The following ARHGAP24 variants were observed in gnomAD, a reference collection of about 807,000 sequenced individuals.
The protein encoded by ARHGAP24 is Rho GTPase activating protein 24.
ARHGAP24 carries 50 observed loss-of-function variants against 76.4 expected under a neutral mutation model. That is an observed-to-expected ratio of 0.65 (90% CI 0.52 to 0.83). The LOEUF (loss-of-function observed/expected upper bound fraction) is 0.83. Ranked by LOEUF, ARHGAP24 falls within the 40% of genes least tolerant of loss-of-function variation. ARHGAP24 has a pLI of 0.00. For synonymous variants in ARHGAP24, 345 were observed against 323.3 expected (o/e 1.07, Z -0.72); for missense variants, 930 against 914.2 (o/e 1.02, Z -0.22).
chr4:85,779,997 A>G (rs975778024), intron 3 of ARHGAP24, among the ~76,000 whole-genome samples: 30 of 152,258 alleles, frequency 2.0e-4, no homozygotes, highest in African/African-American at 6.7e-4. Flanking sequence ...GATCCACTAT[A>G]TGTTTTGAGC....
intron 3 of ARHGAP24, among the ~76,000 whole-genome samples, chr4:85,751,230 A>G (rs57065351): frequency 6.6e-6 from 1 of 152,174 alleles, no homozygotes; most frequent in Admixed American, 6.5e-5. Flanking sequence ...ATATCAGCAA[A>G]TATAAATTTA....
At chr4:85,744,819 A>C (rs1282672261) in intron 3 of ARHGAP24, among the ~76,000 whole-genome samples, 1 of 152,218 alleles carries the variant, frequency 6.6e-6, no homozygotes, top group East Asian at 1.9e-4. Context: ...TTTTAAAAAT[A>C]TATCTTTCCC....
At chr4:85,754,909 G>A (rs1440890743) in intron 3 of ARHGAP24, among the ~76,000 whole-genome samples, 4 of 152,156 alleles carry the variant, frequency 2.6e-5, no homozygotes, top group African/African-American at 7.2e-5. Context: ...GATTATTTCT[G>A]TCCTGTCTAC....
intron 2 of ARHGAP24, among the ~76,000 whole-genome samples, chr4:85,660,810 A>AAG (rs1722354284): frequency 6.6e-6 from 1 of 150,674 alleles, no homozygotes; most frequent in Non-Finnish European, 1.5e-5. Context: ...AAAAAAAAAA[A>AAG]AAAAAAATCT....
At chr4:85,761,047 C>T (rs1288146242) in intron 3 of ARHGAP24, among the ~76,000 whole-genome samples, 1 of 151,992 alleles carries the variant, frequency 6.6e-6, no homozygotes, top group African/African-American at 2.4e-5. Context: ...ATTGTACTGT[C>T]GACAGGAAAA....
intron 3 of ARHGAP24, among the ~76,000 whole-genome samples, chr4:85,813,818 T>TTATATATATATATA (rs35261368): frequency 1.6e-4 from 22 of 137,140 alleles, no homozygotes; most frequent in African/African-American, 5.5e-4. Flanking sequence ...TATATTTATT[T>TTATATATATATATA]TATATATATA....
intron 2 of ARHGAP24, among the ~76,000 whole-genome samples, chr4:85,660,910 A>G (rs935854944): frequency 6.6e-6 from 1 of 151,452 alleles, no homozygotes; most frequent in African/African-American, 2.4e-5. Flanking sequence ...GTATTTTGAG[A>G]CTTTCAGTTC....
chr4:85,831,533 T>A (rs1024715488), intron 3 of ARHGAP24, among the ~76,000 whole-genome samples: 1 of 152,230 alleles, frequency 6.6e-6, no homozygotes, highest in South Asian at 2.1e-4. Flanking sequence ...CTTATTCTTA[T>A]ACAATGGGCT....
intron 2 of ARHGAP24, among the ~76,000 whole-genome samples, chr4:85,601,214 C>T (rs1275999002): frequency 6.6e-6 from 1 of 152,090 alleles, no homozygotes; most frequent in Non-Finnish European, 1.5e-5. Flanking sequence ...TATAACTGTT[C>T]TGTGCAAGGT....
chr4:85,627,659 C>G (rs944029885), intron 2 of ARHGAP24, among the ~76,000 whole-genome samples: 2 of 152,210 alleles, frequency 1.3e-5, no homozygotes, highest in African/African-American at 4.8e-5. Context: ...CTGTGCCCTG[C>G]CCCCAGAAGT....
rs191136265 is a variant in ARHGAP24, at chr4:85,705,144, C to A, written c.181-16741C>A. On this transcript the variant is annotated intron_variant, in intron 2 of 9. Transcript: ENST00000395184. Reference sequence around the variant, plus strand: ...CACTATAATTTGAATTATGATCTACCATTGTCTATAAGATGTATCCCAAAT... The same window carrying A: ...CACTATAATTTGAATTATGATCTACAATTGTCTATAAGATGTATCCCAAAT... Among the ~76,000 whole-genome samples the A allele has an allele frequency of 2.4e-3, 372 of 151,880 alleles. 3 individuals are homozygous for A. Among genetic ancestry groups the A allele is most frequent in the Non-Finnish European group, 4.0e-3 (270 of 67,916 alleles).
intron 3 of ARHGAP24, among the ~76,000 whole-genome samples, chr4:85,861,997 T>G (rs886448513): frequency 1.6e-4 from 25 of 152,076 alleles, no homozygotes; most frequent in Admixed American, 1.5e-3. Flanking sequence ...TTCTCTAATG[T>G]TTTTTCTTTA....
At chr4:85,496,537 A>G (rs1560508892) in intron 1 of ARHGAP24, among the ~76,000 whole-genome samples, 3 of 152,230 alleles carry the variant, frequency 2.0e-5, no homozygotes, top group Non-Finnish European at 4.4e-5. Context: ...CATGATGTGT[A>G]GATCACCTTT....
intron 3 of ARHGAP24, among the ~76,000 whole-genome samples, chr4:85,769,821 T>G (rs1206820020): frequency 6.6e-6 from 1 of 152,104 alleles, no homozygotes; most frequent in East Asian, 1.9e-4. Context: ...ACTCTTGACC[T>G]CGTGATTTGC....
chr4:85,962,811 C>G (rs1199709926), intron 5 of ARHGAP24, among the ~76,000 whole-genome samples: 1 of 151,522 alleles, frequency 6.6e-6, no homozygotes, highest in East Asian at 1.9e-4. Flanking sequence ...ACTTTGTCCA[C>G]TGGTAACTAC....
chr4:85,691,446 G>T (rs551948912), intron 2 of ARHGAP24, among the ~76,000 whole-genome samples: 11 of 152,272 alleles, frequency 7.2e-5, no homozygotes, highest in African/African-American at 2.6e-4. Context: ...TATCAGTGTG[G>T]TGTTGAAGTC....
At chr4:85,554,999 T>C (rs4467559) in intron 1 of ARHGAP24, among the ~76,000 whole-genome samples, 125,376 of 152,116 alleles carry the variant, frequency 0.82, 54,084 homozygotes, top group East Asian at 0.98. Context: ...TTATAGTGGC[T>C]ATTTCATCTA....
chr4:85,629,620 C>G (rs1721095330), intron 2 of ARHGAP24, among the ~76,000 whole-genome samples: 1 of 152,078 alleles, frequency 6.6e-6, no homozygotes, highest in Non-Finnish European at 1.5e-5. Flanking sequence ...TGCCAGGTAT[C>G]TTATTCTTGG....
At chr4:85,755,425 C>A (rs572104481) in intron 3 of ARHGAP24, among the ~76,000 whole-genome samples, 92 of 152,164 alleles carry the variant, frequency 6.0e-4, no homozygotes, top group Non-Finnish European at 4.6e-4. Context: ...AGGTGCTCAT[C>A]TCCAGCACAT....
Sources: allele counts gnomAD v4.1 joint callset (sites outside exome capture counted in the v4.1 genomes callset), GRCh38; gene constraint gnomAD v4.1.1; transcripts MANE v1.5; gene names NCBI Gene and HGNC (gene_info 2026-07-23, HGNC 2026-07-21).